The following SYT8 variants were observed in gnomAD, a reference collection of about 807,000 sequenced individuals.
SYT8 encodes the protein synaptotagmin 8, also known as synaptotagmin-8.
In SYT8, 50 loss-of-function variants were observed where a neutral mutation model predicts 34.9. The observed-to-expected ratio is 1.43, with a 90% CI of 1.14 to 1.81. The LOEUF (loss-of-function observed/expected upper bound fraction) is 1.81, where lower values mean the gene tolerates loss of function less well. SYT8 is among the 40% of genes most tolerant of loss of function. The pLI, the probability that SYT8 is intolerant of heterozygous loss-of-function variation, is 0.00. For synonymous variants in SYT8, 255 were observed against 234.2 expected, an observed-to-expected ratio of 1.09 and a Z score of -0.81; for missense variants, 595 against 529.0, an observed-to-expected ratio of 1.12 and a Z score of -1.22.
At chr11:1,832,438 C>T (rs1355451180), upstream of SYT8, among the ~76,000 whole-genome samples, 3 of 152,166 alleles carry the variant, frequency 2.0e-5, no homozygotes, top group Non-Finnish European at 2.9e-5. Flanking sequence ...CCAGCAGGGC[C>T]ACAGGAGACA....
chr11:1,836,187 C>T lies in SYT8; in HGVS notation c.419C>T (p.Ala140Val). 6.4e-7 allele frequency: 1 copy of T among 1,574,430 alleles called. No individual in the cohort carries two copies. The highest frequency in any genetic ancestry group is 8.6e-7 in the Non-Finnish European group (1 of 1,162,044). The change falls in exon 4 of 8, where the codon GCC becomes GTC. Residue 140 changes from alanine to valine, a missense_variant. Physicochemically the swap from Ala to Val is moderately conservative, Grantham distance 64. Coordinates refer to ENST00000341958, the MANE Select transcript of SYT8 (RefSeq NM_001394072.1). Reference protein sequence around the residue: ...LRPGGTVDPYARVSVSTQAGH... With the variant: ...LRPGGTVDPYVRVSVSTQAGH... ...CCTGGGGGCACCGTGGACCCCTATGCCCGGGTCAGCGTCTCCACCCAGGCC... is the reference window on the plus strand; with the variant it reads ...CCTGGGGGCACCGTGGACCCCTATGTCCGGGTCAGCGTCTCCACCCAGGCC...
chr11:1,836,701 C>A lies in SYT8; in HGVS notation c.685-55C>A, dbSNP rs1589791286. On this transcript the variant is annotated intron_variant, in intron 5 of 7. Coordinates refer to ENST00000341958, the MANE Select transcript of SYT8 (RefSeq NM_001394072.1). The stretch of plus-strand genomic sequence containing the variant: ...TGGGCAGCATTTTCGGGGGTCTGAG[C>A]CCCAACTCGGCCAGAATCACCCTCC... 10 of 1,595,664 alleles carry A rather than the reference C, an allele frequency of 6.3e-6. No homozygotes were observed. The East Asian group carries it at 1.8e-4, about 29-fold the overall frequency.
chr11:1,835,854 C>T, intron 2 of SYT8, 32 bp from the exon 3 acceptor site: 1 of 1,572,980 alleles, frequency 6.4e-7, no homozygotes, highest in Non-Finnish European at 8.7e-7. Flanking sequence ...ATGATGTCAG[C>T]ACCACCTGCC....
chr11:1,837,101 G>A lies in SYT8; in HGVS notation c.924+11G>A, dbSNP rs906888233. 5.0e-6 allele frequency: 8 copies of A among 1,612,934 alleles called. No homozygotes were observed. The highest frequency in any genetic ancestry group is 2.7e-5 in the African/African-American group (2 of 75,034). On this transcript the variant is annotated intron_variant, in intron 7 of 7. Transcript: ENST00000341958. Reference sequence around the variant, plus strand: ...TTCAGCCAGGTCCAGGTGGGCCACCGGGAGGCAGGGGCAGAGCGAGACCCA... The same window carrying A: ...TTCAGCCAGGTCCAGGTGGGCCACCAGGAGGCAGGGGCAGAGCGAGACCCA...
In SYT8 at chr11:1,835,978, C is replaced by T; in HGVS notation, c.351C>T (p.Ser117=). 1.2e-6 allele frequency: 2 copies of T among 1,605,064 alleles called. No homozygotes were observed. Among genetic ancestry groups the T allele is most frequent in the Non-Finnish European group, 1.7e-6 (2 of 1,177,290 alleles). Residue 117 remains serine, a synonymous_variant, in exon 3 of 8, where the codon AGC becomes AGT. Coordinates refer to ENST00000341958, the MANE Select transcript of SYT8 (RefSeq NM_001394072.1). ...TCTCCCTGGAGTTCGACTTTGGAAG[C>T]CAGGAGGTGAAGGGCCCCGCTGCGC... ...LQLSLEFDFG[S]QEIRVGLRQA...
rs182862993 is a variant in SYT8 at position 1,836,654 on chromosome 11, G to A, written c.684+62G>A. 1,630 of 1,595,488 alleles carry A rather than the reference G, an allele frequency of 1.0e-3. 13 individuals are homozygous for A. In the African/African-American group the frequency reaches 0.017, roughly 17 times the overall value. On this transcript the variant is annotated intron_variant, in intron 5 of 7. Transcript: ENST00000341958. ...AGCTGGCAGGGACCCTGCCCTATGG[G>A]CCATCGGAAAGACAGGCCTGATGGG... is the stretch of plus-strand genomic sequence containing the variant.
upstream of SYT8, chr11:1,831,814 G>A: frequency 2.2e-6 from 1 of 455,548 alleles, no homozygotes; most frequent in Non-Finnish European, 4.4e-6. Context: ...CAGAGGCAGT[G>A]CTGTCCGAGA....
At chr11:1,831,821 G>A (rs1213879039), upstream of SYT8, 4 of 454,700 alleles carry the variant, frequency 8.8e-6, no homozygotes, top group Middle Eastern at 3.3e-4. Flanking sequence ...AGTGCTGTCC[G>A]AGAGCTGGAC....
At chr11:1,836,630 G>A in intron 5 of SYT8, 38 bp downstream of exon 5, 1 of 1,603,176 alleles carries the variant, frequency 6.2e-7, no homozygotes, top group Non-Finnish European at 8.5e-7. Flanking sequence ...CCAAGGCAGA[G>A]CTGGCAGGGA....
chr11:1,835,493 G>C, intron 2 of SYT8, 34 bp downstream of exon 2: 6 of 1,605,434 alleles, frequency 3.7e-6, no homozygotes, highest in Non-Finnish European at 5.1e-6. Context: ...TCAGTCCAGA[G>C]AGGGCTTGAA....
chr11:1,833,126 C>T (rs61867131), upstream of SYT8, among the ~76,000 whole-genome samples: 18,893 of 152,216 alleles, frequency 0.12, 1,488 homozygotes, highest in South Asian at 0.19. Flanking sequence ...TTGAATCTGG[C>T]CGGCACAGTC....
rs78352900 is a variant in SYT8 at position 1,837,206 on chromosome 11, G to C, written c.939G>C (p.Val313=). ...PFSQVQNVDL[V]LAVWDRSLPL... ...TCTCTGCACAGAATGTGGACCTGGT[G>C]CTGGCTGTCTGGGACCGCAGCCTGC... is the stretch of plus-strand genomic sequence containing the variant. The change falls in exon 8 of 8, where the codon GTG becomes GTC. Residue 313 remains valine, a synonymous_variant. Coordinates refer to ENST00000341958, the MANE Select transcript of SYT8 (RefSeq NM_001394072.1). The C allele has an allele frequency of 2.9e-3, 4,593 of 1,569,122 alleles. 35 individuals carry two copies. Among genetic ancestry groups the C allele is most frequent in the East Asian group, 0.017 (771 of 44,462 alleles).
chr11:1,835,917 G>C lies in SYT8; in HGVS notation c.290G>C (p.Ser97Thr). The C allele has an allele frequency of 1.2e-6, 2 of 1,608,812 alleles. No homozygotes were observed. The highest frequency in any genetic ancestry group is 4.5e-5 in the East Asian group (2 of 44,864). ...CCTGATGTGGATGGCCTGGAGTCCAGCCCGGGGGATGCTCAGCAATGGGGG... is the reference window on the plus strand; with the variant it reads ...CCTGATGTGGATGGCCTGGAGTCCACCCCGGGGGATGCTCAGCAATGGGGG... ...VQPDVDGLES[S>T]PGDAQQWGCL... The change falls in exon 3 of 8, where the codon AGC (serine) becomes ACC (threonine). Residue 97 changes from serine to threonine, a missense_variant. Transcript: ENST00000341958.
Position 1,836,901 on chromosome 11 carries a change from G to A in SYT8, c.790+40G>A, listed in dbSNP as rs750540953. The A allele has an allele frequency of 1.6e-5, 26 of 1,612,610 alleles. No homozygotes were observed. The Admixed American group carries it at 2.2e-4, about 13-fold the overall frequency. On this transcript the variant is annotated intron_variant, in intron 6 of 7. Transcript: ENST00000341958. ...TGCCCACGTTGTTGTACAGAGGGGG[G>A]GCCCGTGCTCAGCCCCGAGCCCTGG...
chr11:1,836,126 A>G lies in SYT8; in HGVS notation c.358A>G (p.Ile120Val), dbSNP rs187964566. 3 of 1,506,066 alleles carry G rather than the reference A, an allele frequency of 2.0e-6. No homozygotes were observed. The highest frequency in any genetic ancestry group is 2.4e-5 in the East Asian group (1 of 41,754). 93.3% of individuals were successfully genotyped at this position (1,506,066 alleles called of 1,614,324 possible). Residue 120 changes from isoleucine to valine, a missense_variant and splice_region_variant, in exon 4 of 8, where the codon ATC (isoleucine) becomes GTC (valine). By Grantham distance (29) the Ile-to-Val change is conservative (BLOSUM62 3). Coordinates refer to ENST00000341958, the MANE Select transcript of SYT8 (RefSeq NM_001394072.1). ...SLEFDFGSQEIRVGLRQAADL... is the reference protein window; with the variant it reads ...SLEFDFGSQEVRVGLRQAADL... ...CTGAGCCCACCCCGCTGGCTCCCAGATCAGGGTGGGCCTGAGGCAGGCAGC... is the reference window on the plus strand; with the variant it reads ...CTGAGCCCACCCCGCTGGCTCCCAGGTCAGGGTGGGCCTGAGGCAGGCAGC...
chr11:1,836,566 CT>C lies in SYT8; in HGVS notation c.659del (p.Leu220ArgfsTer29). On this transcript the variant is annotated frameshift_variant, in exon 5 of 8. Transcript: ENST00000341958. LOFTEE classifies it high-confidence loss of function. ...DLQHVLEHWY[L>X]LGPPAATQPE... ...GCAGCATGTTCTGGAGCACTGGTAC[CT>C]GCTGGGCCCGCCGGCTGCCACTCAG... 2 of 1,611,864 alleles carry C rather than the reference CT, an allele frequency of 1.2e-6. No homozygotes were observed. The highest frequency in any genetic ancestry group is 2.2e-5 in the South Asian group (2 of 91,030).
In SYT8 at chr11:1,835,967, G is replaced by C; in HGVS notation, c.340G>C (p.Asp114His). Residue 114 changes from aspartate to histidine, a missense_variant, in exon 3 of 8, where the codon GAC (aspartate) becomes CAC (histidine). Physicochemically the swap from Asp to His is moderately conservative, Grantham distance 81. Transcript: ENST00000341958. ...GTGCCTGCAGCTCTCCCTGGAGTTC[G>C]ACTTTGGAAGCCAGGAGGTGAAGGG... ...WGCLQLSLEF[D>H]FGSQEIRVGL... 6.2e-7 allele frequency: 1 copy of C among 1,605,338 alleles called. No individual in the cohort carries two copies. The highest frequency in any genetic ancestry group is 2.2e-5 in the East Asian group (1 of 44,780).
upstream of SYT8, chr11:1,834,400 A>G (rs1589786276): frequency 1.5e-6 from 1 of 665,052 alleles, no homozygotes; most frequent in Non-Finnish European, 2.7e-6. The surrounding 1 kb of genome is among the most constrained non-coding windows in gnomAD (Gnocchi z 4.5). Context: ...CCCTGCCCCT[A>G]CCTGCCACCA....
chr11:1,835,363 T>C lies in SYT8; in HGVS notation c.162T>C (p.Cys54=), dbSNP rs375192393. 1 of 1,606,298 alleles carries C rather than the reference T, an allele frequency of 6.2e-7. No homozygotes were observed. The highest frequency in any genetic ancestry group is 1.3e-5 in the African/African-American group (1 of 74,906). Residue 54 remains cysteine, a synonymous_variant, in exon 2 of 8, where the codon TGT becomes TGC. Coordinates refer to ENST00000341958, the MANE Select transcript of SYT8 (RefSeq NM_001394072.1). ...AGVLLVSCLL[C]AACCCCRRHR... is the part of the protein sequence containing the mutation. ...TCCTCCTCGTCTCCTGCCTCCTCTG[T>C]GCTGCCTGCTGCTGCTGCCGCCGCC... is the stretch of plus-strand genomic sequence containing the variant.
Sources: gnomAD v4.1 joint callset for allele counts (sites outside exome capture counted in the v4.1 genomes callset) on GRCh38, gnomAD v4.1.1 for gene constraint, Gnocchi (gnomAD v3.1) non-coding constraint, MANE v1.5 for transcripts, NCBI Gene and HGNC (gene_info 2026-07-23, HGNC 2026-07-21) for gene names.